Variants in ZBTB46 observed in about 807,000 individuals in gnomAD.
The protein encoded by ZBTB46 is zinc finger and BTB domain containing 46, also known as zinc finger and BTB domain-containing protein 46.
A neutral mutation model predicts 44.1 loss-of-function variants in ZBTB46; 8 were observed. The observed-to-expected ratio is 0.18, with a 90% CI of 0.11 to 0.33. ZBTB46 has a LOEUF of 0.33. Ranked by LOEUF, ZBTB46 falls within the 10% of genes least tolerant of loss-of-function variation. The probability of loss-of-function intolerance (pLI) is 1.00; values close to 1 mark genes in which losing one functional copy is unlikely to be tolerated. For synonymous variants in ZBTB46, 409 were observed against 382.3 expected, an observed-to-expected ratio of 1.07 and a Z score of -0.81; for missense variants, 651 against 847.7, an observed-to-expected ratio of 0.77 and a Z score of 2.88.
At position 63,782,096 on chromosome 20, in the gene ZBTB46, A is replaced by AAAAAAAAAAAAAAAAAAAAAG. The variant is rs1386082316; in HGVS notation, c.938-6135_938-6134insCTTTTTTTTTTTTTTTTTTTT. 1.6e-5 allele frequency among the ~76,000 whole-genome samples: 2 copies of AAAAAAAAAAAAAAAAAAAAAG among 124,924 alleles called. 1 individual carries two copies. Among genetic ancestry groups the AAAAAAAAAAAAAAAAAAAAAG allele is most frequent in the Non-Finnish European group, 3.4e-5 (2 of 59,652 alleles). The allele number at this position is 124,924 out of a possible 152,430, so 82.0% of individuals were successfully genotyped here. On this transcript the variant is annotated intron_variant, in intron 2 of 4. Transcript: ENST00000245663. The stretch of plus-strand genomic sequence containing the variant: ...AGCAAGACTCCGTCTCAAAAAAAAA[A>AAAAAAAAAAAAAAAAAAAAAG]AAAAGAAAAGAGGCGTGGCGATTTT...
At chr20:63,755,273 C>T (rs144983191) in intron 3 of ZBTB46, among the ~76,000 whole-genome samples, 1 of 152,328 alleles carries the variant, frequency 6.6e-6, no homozygotes, top group Non-Finnish European at 1.5e-5. Flanking sequence ...CAGAACAGCC[C>T]GGTCCACTCT....
At chr20:63,833,545 C>G (rs539521648), upstream of ZBTB46, among the ~76,000 whole-genome samples, 3 of 152,110 alleles carry the variant, frequency 2.0e-5, no homozygotes, top group East Asian at 1.9e-4. Flanking sequence ...GAGCCAAGTT[C>G]GTGCCGCTGC....
intron 1 of ZBTB46, among the ~76,000 whole-genome samples, chr20:63,808,512 T>G (rs565514049): frequency 6.6e-6 from 1 of 152,064 alleles, no homozygotes. Context: ...CTCTTCCTCC[T>G]AGGGCAGGGC....
intron 1 of ZBTB46, among the ~76,000 whole-genome samples, chr20:63,809,969 A>G (rs1002221827): frequency 6.6e-6 from 1 of 151,966 alleles, no homozygotes; most frequent in Non-Finnish European, 1.5e-5. Context: ...CTCAAAAAAA[A>G]AAAAAGAAAA....
chr20:63,829,213 C>A (rs889502356), intron 1 of ZBTB46, among the ~76,000 whole-genome samples: 1 of 152,146 alleles, frequency 6.6e-6, no homozygotes, highest in Non-Finnish European at 1.5e-5. Flanking sequence ...ACCTGGGGGC[C>A]CTTAGGTAAC....
intron 2 of ZBTB46, among the ~76,000 whole-genome samples, chr20:63,785,792 A>G (rs1212447391): frequency 1.3e-5 from 2 of 152,146 alleles, no homozygotes; most frequent in African/African-American, 2.4e-5. Flanking sequence ...CCATCCTCAC[A>G]CAGCTCACAG....
At chr20:63,796,464 ATC>A (rs905342493) in intron 1 of ZBTB46, among the ~76,000 whole-genome samples, 5 of 152,226 alleles carry the variant, frequency 3.3e-5, no homozygotes, top group African/African-American at 1.2e-4. Flanking sequence ...TTCACACTTG[ATC>A]TCTCTGTTTT....
chr20:63,773,818 C>G (rs1031508445), intron 3 of ZBTB46, among the ~76,000 whole-genome samples: 1 of 152,198 alleles, frequency 6.6e-6, no homozygotes, highest in Non-Finnish European at 1.5e-5. Flanking sequence ...TCCATCTGAC[C>G]GGCTGGCCGA....
intron 3 of ZBTB46, among the ~76,000 whole-genome samples, chr20:63,759,902 G>A (rs567860679): frequency 2.2e-4 from 34 of 152,164 alleles, no homozygotes; most frequent in South Asian, 6.2e-4. Context: ...GTGATATAGC[G>A]GGTTCTCTCC....
chr20:63,753,724 C>G (rs2092193499), intron 3 of ZBTB46, among the ~76,000 whole-genome samples: 1 of 152,268 alleles, frequency 6.6e-6, no homozygotes. Flanking sequence ...TTCCCCTCTG[C>G]ATACTGTGAC....
chr20:63,751,599 C>T lies in ZBTB46; in HGVS notation c.1398+1087G>A, dbSNP rs111920882. 5.2e-3 allele frequency among the ~76,000 whole-genome samples: 795 copies of T among 151,440 alleles called. 13 individuals carry two copies. The highest frequency in any genetic ancestry group is 0.019 in the African/African-American group (764 of 40,822). On this transcript the variant is annotated intron_variant, in intron 4 of 4. Transcript: ENST00000245663. Reference sequence around the variant, plus strand: ...AAAGCAGCAACCAACAGAACCTGACCTCTGGCGCTCGGTTCCGCCCCCCAG... The same window carrying T: ...AAAGCAGCAACCAACAGAACCTGACTTCTGGCGCTCGGTTCCGCCCCCCAG...
intron 1 of ZBTB46, among the ~76,000 whole-genome samples, chr20:63,823,594 A>G (rs1332319744): frequency 6.6e-6 from 1 of 151,998 alleles, no homozygotes; most frequent in East Asian, 1.9e-4. Flanking sequence ...CCAGGTACTC[A>G]GGAGGCAGAG....
chr20:63,751,718 G>A (rs1161591572), intron 4 of ZBTB46, among the ~76,000 whole-genome samples: 1 of 85,974 alleles, frequency 1.2e-5, no homozygotes, highest in Non-Finnish European at 2.3e-5. Flanking sequence ...CCCCCGGTGG[G>A]TCGCACCATG....
At position 63,790,782 on chromosome 20, in the gene ZBTB46, C is replaced by T; in HGVS notation, c.-25G>A. 1 of 1,571,840 alleles carries T rather than the reference C, an allele frequency of 6.4e-7. No homozygotes were observed. ...TTTGGAAGCCCTGGTGTCGCCTCTT[C>T]TACAGACTCTGTGGAGGTAAGAACA... On this transcript the variant is annotated 5_prime_UTR_variant, in exon 2 of 5. An upstream open reading frame in the 5' UTR loses its in-frame stop. Transcript: ENST00000245663.
At chr20:63,771,521 C>A (rs746351859) in intron 3 of ZBTB46, among the ~76,000 whole-genome samples, 1 of 152,206 alleles carries the variant, frequency 6.6e-6, no homozygotes, top group Non-Finnish European at 1.5e-5. Flanking sequence ...TCAGTTCTCT[C>A]CCCCGATCAG....
In ZBTB46 at chr20:63,803,480, T is replaced by C. The variant is rs2092662366; in HGVS notation, c.-33-12690A>G. 1 of 985,236 alleles carries C rather than the reference T, an allele frequency of 1.0e-6. No homozygotes were observed. Among genetic ancestry groups the C allele is most frequent in the Non-Finnish European group, 1.2e-6 (1 of 829,930 alleles). 61.0% of individuals were successfully genotyped at this position (985,236 alleles called of 1,614,324 possible). ...CCAGTGAGCAAGTGGGTGCTGGCGA[T>C]GAGGACTTTAGGTTTTCCACATGGC... is the stretch of plus-strand genomic sequence containing the variant. On this transcript the variant is annotated intron_variant, in intron 1 of 4. Coordinates refer to ENST00000245663, the MANE Select transcript of ZBTB46 (RefSeq NM_001369741.1). This position sits in a 1 kb window ranked among gnomAD's most constrained non-coding sequence, Gnocchi z 4.0.
At chr20:63,781,474 G>A (rs1362116286) in intron 2 of ZBTB46, among the ~76,000 whole-genome samples, 1 of 152,176 alleles carries the variant, frequency 6.6e-6, no homozygotes, top group Non-Finnish European at 1.5e-5. Context: ...GGCATCATCC[G>A]CCATCAAAGA....
intron 1 of ZBTB46, among the ~76,000 whole-genome samples, chr20:63,825,413 A>C (rs1355668630): frequency 6.8e-6 from 1 of 147,350 alleles, no homozygotes; most frequent in Non-Finnish European, 1.5e-5. Context: ...AAAAAAAAAA[A>C]AAAACCCTCC....
intron 2 of ZBTB46, among the ~76,000 whole-genome samples, chr20:63,782,197 A>ACCCCCGAGCCCCCGAG (rs11473055): frequency 3.3e-5 from 5 of 150,872 alleles, no homozygotes; most frequent in Non-Finnish European, 5.9e-5. Context: ...CCAGGCTGCA[A>ACCCCCGAGCCCCCGAG]CCCCCGAGCC....
Sources: gnomAD v4.1 joint callset for allele counts (sites outside exome capture counted in the v4.1 genomes callset) on GRCh38, gnomAD v4.1.1 for gene constraint, Gnocchi (gnomAD v3.1) non-coding constraint, MANE v1.5 for transcripts, NCBI Gene and HGNC (gene_info 2026-07-23, HGNC 2026-07-21) for gene names.